The following STK39 variants were observed in gnomAD, a reference collection of about 807,000 sequenced individuals.
STK39 encodes the protein STE20/SPS1-related proline-alanine-rich protein kinase.
A neutral mutation model predicts 77.8 loss-of-function variants in STK39; 20 were observed. That is an observed-to-expected ratio of 0.26 (90% CI 0.18 to 0.37). STK39 has a LOEUF of 0.37. Ranked by LOEUF, STK39 falls within the 10% of genes least tolerant of loss-of-function variation. The pLI is 1.00. For missense variants in STK39, 479 were observed against 656.5 expected (o/e 0.73, Z 2.95); for synonymous variants, 246 against 234.1 (o/e 1.05, Z -0.47).
At chr2:168,095,455 T>G (rs1245336319) in intron 10 of STK39, among the ~76,000 whole-genome samples, 1 of 152,062 alleles carries the variant, frequency 6.6e-6, no homozygotes, top group Non-Finnish European at 1.5e-5. Flanking sequence ...CAATCTTCAA[T>G]TCTCTGATTC....
chr2:168,058,801 G>A (rs1685589614), intron 14 of STK39, among the ~76,000 whole-genome samples: 2 of 152,228 alleles, frequency 1.3e-5, no homozygotes, highest in African/African-American at 2.4e-5. Context: ...GCAGTAGCCT[G>A]CCTAGGGACT....
intron 17 of STK39, among the ~76,000 whole-genome samples, chr2:167,956,695 C>CACACACACACAA (rs1471897166): frequency 2.5e-5 from 1 of 39,426 alleles, no homozygotes; most frequent in Non-Finnish European, 5.4e-5. Flanking sequence ...CACACACACA[C>CACACACACACAA]ACTCTCTCTC....
At chr2:168,012,210 G>A (rs1684287485) in intron 16 of STK39, among the ~76,000 whole-genome samples, 1 of 150,990 alleles carries the variant, frequency 6.6e-6, no homozygotes, top group Non-Finnish European at 1.5e-5. Context: ...TTGAGCCGTA[G>A]TTTCACTTTT....
intron 2 of STK39, among the ~76,000 whole-genome samples, chr2:168,177,623 GAA>G (rs2105620292): frequency 6.6e-6 from 1 of 152,274 alleles, no homozygotes; most frequent in South Asian, 2.1e-4. Flanking sequence ...GATAGAGGCT[GAA>G]AAGACACATG....
At chr2:168,023,245 G>A (rs1229058508) in intron 14 of STK39, among the ~76,000 whole-genome samples, 1 of 149,604 alleles carries the variant, frequency 6.7e-6, no homozygotes, top group Non-Finnish European at 1.5e-5. Flanking sequence ...AGTAATTGAT[G>A]TTCAGTGCTG....
At chr2:167,966,548 C>T (rs1484422916) in intron 16 of STK39, among the ~76,000 whole-genome samples, 4 of 152,152 alleles carry the variant, frequency 2.6e-5, no homozygotes, top group Non-Finnish European at 4.4e-5. Context: ...TTCCAGTCTG[C>T]TCTCTAATGT....
chr2:168,173,342 T>C (rs1688875006), intron 2 of STK39, among the ~76,000 whole-genome samples: 1 of 152,174 alleles, frequency 6.6e-6, no homozygotes, highest in Non-Finnish European at 1.5e-5. Context: ...TGCACTTCTT[T>C]TAGCAGCATT....
intron 10 of STK39, among the ~76,000 whole-genome samples, chr2:168,109,782 T>C (rs1299947575): frequency 2.0e-5 from 3 of 152,242 alleles, no homozygotes; most frequent in Non-Finnish European, 4.4e-5. Flanking sequence ...TGGAACATGT[T>C]TTCTGATATA....
intron 1 of STK39, among the ~76,000 whole-genome samples, chr2:168,239,812 T>C (rs1690712833): frequency 6.6e-6 from 1 of 152,054 alleles, no homozygotes; most frequent in South Asian, 2.1e-4. Flanking sequence ...TTGCAGATAG[T>C]GTGACAACTG....
At chr2:168,138,743 GCT>G (rs772020866) in intron 7 of STK39, among the ~76,000 whole-genome samples, 11 of 152,114 alleles carry the variant, frequency 7.2e-5, no homozygotes, top group Non-Finnish European at 1.3e-4. Context: ...TTGCTAAAAG[GCT>G]TGGCAAAGCT....
chr2:168,189,744 C>T (rs1205213030), intron 1 of STK39, among the ~76,000 whole-genome samples: 1 of 152,014 alleles, frequency 6.6e-6, no homozygotes, highest in Non-Finnish European at 1.5e-5. Context: ...GATTGCTTGC[C>T]GGTTTAAAAA....
At chr2:168,239,265 T>G (rs974646373) in intron 1 of STK39, among the ~76,000 whole-genome samples, 1 of 152,172 alleles carries the variant, frequency 6.6e-6, no homozygotes, top group South Asian at 2.1e-4. Context: ...GAGAGATCAC[T>G]GATATACAAA....
At chr2:168,139,943 A>T (rs1687937617) in intron 7 of STK39, among the ~76,000 whole-genome samples, 1 of 152,214 alleles carries the variant, frequency 6.6e-6, no homozygotes, top group Non-Finnish European at 1.5e-5. Context: ...CAGAGATGAC[A>T]TCACTATAAT....
chr2:168,243,316 G>A (rs1690818758), intron 1 of STK39, among the ~76,000 whole-genome samples: 4 of 152,154 alleles, frequency 2.6e-5, no homozygotes, highest in Admixed American at 2.0e-4. Context: ...TTAAAGACCT[G>A]GCCATATGTG....
At chr2:168,081,046 T>G (rs1296447638) in intron 10 of STK39, among the ~76,000 whole-genome samples, 1 of 152,150 alleles carries the variant, frequency 6.6e-6, no homozygotes, top group Non-Finnish European at 1.5e-5. Flanking sequence ...ATGAAGAACC[T>G]CTGCTTGGCC....
In STK39 at chr2:168,224,942, C is replaced by A. The variant is rs536682214; in HGVS notation, c.208+22286G>T. On this transcript the variant is annotated intron_variant, in intron 1 of 17. Transcript: ENST00000355999. Reference sequence around the variant, plus strand: ...CATTTCAAGTGATCTGAAACTAAGACAGCACTTCATGAACATGGTTCTCAT... The same window carrying A: ...CATTTCAAGTGATCTGAAACTAAGAAAGCACTTCATGAACATGGTTCTCAT... 1.3e-4 allele frequency among the ~76,000 whole-genome samples: 20 copies of A among 152,304 alleles called. 1 individual carries two copies. Among genetic ancestry groups the A allele is most frequent in the Admixed American group, 7.8e-4 (12 of 15,292 alleles).
At chr2:168,226,141 T>C (rs770285882) in intron 1 of STK39, among the ~76,000 whole-genome samples, 1 of 152,126 alleles carries the variant, frequency 6.6e-6, no homozygotes, top group Non-Finnish European at 1.5e-5. Context: ...GAGAAGCAGG[T>C]GGGCATGAGC....
chr2:168,049,536 A>G (rs1216777108), intron 14 of STK39, among the ~76,000 whole-genome samples: 1 of 152,228 alleles, frequency 6.6e-6, no homozygotes, highest in African/African-American at 2.4e-5. Context: ...CTCAGGTACT[A>G]AACAGGAGTG....
intron 13 of STK39, among the ~76,000 whole-genome samples, chr2:168,065,008 A>C (rs1038806260): frequency 2.0e-5 from 3 of 152,236 alleles, no homozygotes; most frequent in Non-Finnish European, 4.4e-5. Context: ...CAAAAAATAA[A>C]AGTATCAATT....
Sources: gnomAD v4.1 joint callset for allele counts (sites outside exome capture counted in the v4.1 genomes callset) on GRCh38, gnomAD v4.1.1 for gene constraint, MANE v1.5 for transcripts, NCBI Gene and HGNC (gene_info 2026-07-23, HGNC 2026-07-21) for gene names.